Variants in TANC1 observed in about 807,000 individuals in gnomAD.
The protein encoded by TANC1 is tetratricopeptide repeat, ankyrin repeat and coiled-coil containing 1.
Under a neutral mutation model 149.7 loss-of-function variants are expected in TANC1, and 77 were observed. The ratio of observed to expected loss-of-function variants is 0.51; its 90% CI spans 0.43 to 0.62. The LOEUF (loss-of-function observed/expected upper bound fraction) is 0.62. Ranked by LOEUF, TANC1 falls within the 20% of genes least tolerant of loss-of-function variation. TANC1 has a pLI of 0.00. For synonymous variants in TANC1, 854 were observed against 925.0 expected, an observed-to-expected ratio of 0.92 and a Z score of 1.39; for missense variants, 1,985 against 2,321.8, an observed-to-expected ratio of 0.85 and a Z score of 2.98.
chr2:159,110,666 A>C (rs1031474685), intron 4 of TANC1, among the ~76,000 whole-genome samples: 1 of 152,198 alleles, frequency 6.6e-6, no homozygotes, highest in Non-Finnish European at 1.5e-5. Context: ...GGACAAGTGA[A>C]ATTTAAACAA....
At chr2:159,033,458 T>A (rs1180541634) in intron 2 of TANC1, among the ~76,000 whole-genome samples, 5 of 152,160 alleles carry the variant, frequency 3.3e-5, no homozygotes, top group Admixed American at 3.3e-4. Context: ...TGATTGCCCA[T>A]GGGCTGCGGG....
intron 2 of TANC1, among the ~76,000 whole-genome samples, chr2:159,060,790 C>A (rs1482196303): frequency 1.3e-5 from 2 of 152,146 alleles, no homozygotes; most frequent in Non-Finnish European, 2.9e-5. Flanking sequence ...TAGTACTCTT[C>A]TATGATCTCA....
intron 26 of TANC1, 45 bp downstream of exon 26, chr2:159,228,941 G>A: frequency 6.7e-7 from 1 of 1,502,258 alleles, no homozygotes; most frequent in Non-Finnish European, 9.3e-7. Context: ...TTTTTCTTGT[G>A]GGATCAAACC....
chr2:159,022,614 G>A (rs1261338752), intron 2 of TANC1, among the ~76,000 whole-genome samples: 1 of 152,128 alleles, frequency 6.6e-6, no homozygotes, highest in Non-Finnish European at 1.5e-5. Context: ...GCATGGTGGC[G>A]CATGCCTGTT....
At chr2:158,994,399 A>G (rs2035953016) in intron 1 of TANC1, among the ~76,000 whole-genome samples, 1 of 152,170 alleles carries the variant, frequency 6.6e-6, no homozygotes, top group Non-Finnish European at 1.5e-5. Context: ...CCTCCTGAGT[A>G]GCTAGGACTA....
chr2:159,025,177 TC>T (rs1559144266), intron 2 of TANC1, among the ~76,000 whole-genome samples: 1 of 145,508 alleles, frequency 6.9e-6, no homozygotes, highest in Non-Finnish European at 1.5e-5. Context: ...TTTCTTTCTT[TC>T]TTTTTCTTTC....
chr2:159,112,896 T>A (rs1441604217), intron 4 of TANC1, among the ~76,000 whole-genome samples: 1 of 151,592 alleles, frequency 6.6e-6, no homozygotes, highest in Non-Finnish European at 1.5e-5. Context: ...TTTTTTTTTT[T>A]AAGGTTGTGA....
chr2:159,231,223 T>C lies in TANC1; in HGVS notation c.*211T>C. ...AAGAATGCTAAACAGAATTGAAAAT[T>C]ATATCAACTTAAAATTTTAAGACAG... On this transcript the variant is annotated 3_prime_UTR_variant, in exon 27 of 27. Coordinates refer to ENST00000263635, the MANE Select transcript of TANC1 (RefSeq NM_033394.3). The C allele has an allele frequency of 2.1e-6, 1 of 484,404 alleles. No individual in the cohort carries two copies. The highest frequency in any genetic ancestry group is 3.3e-5 in the South Asian group (1 of 30,190). The allele number at this position is 484,404 out of a possible 1,614,324, so 30.0% of individuals were successfully genotyped here.
chr2:159,148,527 C>G (rs1369029022), intron 5 of TANC1: 3 of 152,254 alleles, frequency 2.0e-5, no homozygotes, highest in African/African-American at 4.8e-5. Flanking sequence ...TGGGTCCTGT[C>G]TCTTGGGACA....
intron 2 of TANC1, among the ~76,000 whole-genome samples, chr2:159,039,418 A>G (rs1018685039): frequency 6.6e-6 from 1 of 151,416 alleles, no homozygotes; most frequent in African/African-American, 2.4e-5. Context: ...TGCTCTTGCT[A>G]CTCTAGTTCT....
At chr2:158,979,066 C>G (rs1160600780) in intron 1 of TANC1, among the ~76,000 whole-genome samples, 1 of 152,028 alleles carries the variant, frequency 6.6e-6, no homozygotes, top group African/African-American at 2.4e-5. Context: ...TAATTTTTTT[C>G]AGATGAACTG....
At chr2:159,180,383 T>G (rs1235322157) in intron 14 of TANC1, among the ~76,000 whole-genome samples, 1 of 152,200 alleles carries the variant, frequency 6.6e-6, no homozygotes, top group Non-Finnish European at 1.5e-5. Flanking sequence ...AAAAACAAAT[T>G]GAAAGACTCC....
At chr2:159,025,227 T>TTCTTTCTTTC (rs1259546730) in intron 2 of TANC1, among the ~76,000 whole-genome samples, 14 of 150,668 alleles carry the variant, frequency 9.3e-5, no homozygotes, top group African/African-American at 3.4e-4. Flanking sequence ...CTTTCTTTCT[T>TTCTTTCTTTC]TCTTTCTTTC....
chr2:159,074,080 G>C (rs1051876041), intron 3 of TANC1, among the ~76,000 whole-genome samples: 1 of 152,178 alleles, frequency 6.6e-6, no homozygotes, highest in Non-Finnish European at 1.5e-5. Flanking sequence ...TCCAGAATCA[G>C]AGTTAGAACG....
chr2:159,205,345 G>C (rs371071463), intron 19 of TANC1, among the ~76,000 whole-genome samples: 1 of 152,240 alleles, frequency 6.6e-6, no homozygotes, highest in Non-Finnish European at 1.5e-5. Context: ...ATTTTGGAGA[G>C]AGAAGGGGCT....
chr2:159,034,697 C>G, intron 2 of TANC1, among the ~76,000 whole-genome samples: 1 of 152,200 alleles, frequency 6.6e-6, no homozygotes, highest in East Asian at 1.9e-4. Flanking sequence ...TAGGACAGAT[C>G]CCCATGAAGT....
At chr2:159,210,493 A>G (rs1018207653) in intron 19 of TANC1, among the ~76,000 whole-genome samples, 1 of 152,136 alleles carries the variant, frequency 6.6e-6, no homozygotes, top group Non-Finnish European at 1.5e-5. Context: ...CAAACCATCC[A>G]TTTTATGGTG....
chr2:159,003,931 T>C, intron 2 of TANC1: 10 of 1,612,774 alleles, frequency 6.2e-6, no homozygotes, highest in South Asian at 5.5e-5. Context: ...AGGTGGTACA[T>C]AGAACAGCCA....
At chr2:159,050,838 A>G (rs2041411372) in intron 2 of TANC1, among the ~76,000 whole-genome samples, 1 of 152,216 alleles carries the variant, frequency 6.6e-6, no homozygotes, top group Non-Finnish European at 1.5e-5. Context: ...AGTGATGTCA[A>G]TTGGAGATGA....
Sources: allele counts gnomAD v4.1 joint callset (sites outside exome capture counted in the v4.1 genomes callset), GRCh38; gene constraint gnomAD v4.1.1; transcripts MANE v1.5; gene names NCBI Gene and HGNC (gene_info 2026-07-23, HGNC 2026-07-21).